JAK1: variants seen among roughly 807,000 people sequenced by gnomAD.
JAK1 encodes the protein Janus kinase 1.
In JAK1, 16 loss-of-function variants were observed where a neutral mutation model predicts 136.6. The observed-to-expected ratio is 0.12, with a 90% CI of 0.08 to 0.18. JAK1 has a LOEUF of 0.18. Among genes scored for constraint, JAK1 ranks in the 10% least tolerant of loss-of-function variants. The probability of loss-of-function intolerance (pLI) is 1.00; values close to 1 mark genes in which losing one functional copy is unlikely to be tolerated. For synonymous variants in JAK1, 492 were observed against 519.5 expected (o/e 0.95, Z 0.72); for missense variants, 859 against 1,450.1 (o/e 0.59, Z 6.62).
intron 7 of JAK1, 115 bp from the exon 8 acceptor site, chr1:64,865,087 A>T: frequency 5.2e-6 from 4 of 773,392 alleles, no homozygotes; most frequent in Non-Finnish European, 8.2e-6. Context: ...AGAGAAAGCC[A>T]GCTCTTCTGG....
chr1:65,048,038 A>G (rs1647204503), intron 1 of JAK1, among the ~76,000 whole-genome samples: 1 of 152,232 alleles, frequency 6.6e-6, no homozygotes, highest in South Asian at 2.1e-4. Context: ...CTTCTGAATT[A>G]TTAAATAGGT....
chr1:64,845,268 T>C (rs575496745), intron 15 of JAK1, among the ~76,000 whole-genome samples: 5 of 152,210 alleles, frequency 3.3e-5, no homozygotes, highest in African/African-American at 9.6e-5. Flanking sequence ...TGCTGCAGTA[T>C]GCAAGTCGGC....
At chr1:64,864,692 C>T in intron 8 of JAK1, 95 bp downstream of exon 8, 2 of 1,020,528 alleles carry the variant, frequency 2.0e-6, no homozygotes, top group Non-Finnish European at 2.9e-6. Flanking sequence ...CTCTTTAGGA[C>T]AGGAACTCTG....
At chr1:64,924,740 AC>A (rs1325529125) in intron 1 of JAK1, among the ~76,000 whole-genome samples, 34 of 152,186 alleles carry the variant, frequency 2.2e-4, no homozygotes, top group Non-Finnish European at 2.1e-4. Flanking sequence ...GGACTGTAGA[AC>A]TGCTGACATT....
chr1:64,931,865 T>G (rs900187253), intron 1 of JAK1, among the ~76,000 whole-genome samples: 2 of 152,052 alleles, frequency 1.3e-5, no homozygotes, highest in Non-Finnish European at 1.5e-5. Context: ...ATACAGCTAT[T>G]AATCCTATTA....
chr1:64,916,941 A>G (rs1459144654), intron 1 of JAK1, among the ~76,000 whole-genome samples: 3 of 152,152 alleles, frequency 2.0e-5, no homozygotes. Flanking sequence ...AGACAGTCAC[A>G]TGTCTGAATT....
intron 2 of JAK1, among the ~76,000 whole-genome samples, chr1:65,040,028 A>T (rs1285178994): frequency 6.6e-6 from 1 of 152,184 alleles, no homozygotes; most frequent in Non-Finnish European, 1.5e-5. Flanking sequence ...CAGCCTGGCC[A>T]ACATGGCAAA....
intron 1 of JAK1, among the ~76,000 whole-genome samples, chr1:64,924,075 A>G (rs548987321): frequency 2.4e-4 from 36 of 152,346 alleles, no homozygotes; most frequent in African/African-American, 7.5e-4. Flanking sequence ...TCTGAATGCA[A>G]TAACTATAAA....
At position 64,966,549 on chromosome 1, in the gene JAK1, C is replaced by T. The variant is rs1569775103; in HGVS notation, c.-294G>A. On this transcript the variant is annotated 5_prime_UTR_variant, in exon 1 of 25. Transcript: ENST00000342505. ...CCGCCGCGGCCTGCGCTCAGCGACGCACCGCCTCCCGTCCCGCCCCGCCCC... is the reference window on the plus strand; with the variant it reads ...CCGCCGCGGCCTGCGCTCAGCGACGTACCGCCTCCCGTCCCGCCCCGCCCC... The T allele has an allele frequency of 6.7e-6, 1 of 149,828 alleles. No individual in the cohort carries two copies. Among genetic ancestry groups the T allele is most frequent in the Non-Finnish European group, 1.5e-5 (1 of 67,186 alleles). 9.3% of individuals were successfully genotyped at this position (149,828 alleles called of 1,614,324 possible). A position where few individuals can be genotyped will look rare whatever the true frequency, so the allele number is the denominator to read the frequency against.
At chr1:64,978,760 G>A (rs368909288) in intron 2 of JAK1, among the ~76,000 whole-genome samples, 2 of 151,986 alleles carry the variant, frequency 1.3e-5, no homozygotes. Flanking sequence ...AACCTTATAA[G>A]CAGATGCTAT....
chr1:64,882,368 G>A (rs530990722), intron 3 of JAK1, among the ~76,000 whole-genome samples: 2 of 152,220 alleles, frequency 1.3e-5, no homozygotes, highest in Admixed American at 1.3e-4. Context: ...CAGGCTGTAC[G>A]GCATCATAAA....
Position 64,862,353 on chromosome 1 carries a change from G to A in JAK1, c.1177-2091C>T, listed in dbSNP as rs114844343. 2.3e-3 allele frequency among the ~76,000 whole-genome samples: 344 copies of A among 152,262 alleles called. 2 individuals carry two copies. Among genetic ancestry groups the A allele is most frequent in the African/African-American group, 7.9e-3 (330 of 41,548 alleles). On this transcript the variant is annotated intron_variant, in intron 8 of 24. Coordinates refer to ENST00000342505, the MANE Select transcript of JAK1 (RefSeq NM_002227.4). ...CTTGGACAGGTTACTTAACCTCTTC[G>A]TGCCTCAGTTTCCCCTTATCATACT...
At chr1:64,916,449 T>C (rs1454229356) in intron 1 of JAK1, among the ~76,000 whole-genome samples, 1 of 152,290 alleles carries the variant, frequency 6.6e-6, no homozygotes, top group African/African-American at 2.4e-5. Flanking sequence ...GCCTATATGA[T>C]TGTCAAAACA....
At chr1:64,972,886 A>C (rs2100674812) in intron 2 of JAK1, 1 of 152,522 alleles carries the variant, frequency 6.6e-6, no homozygotes. Context: ...TTGGAGGCTA[A>C]GGTGGGAGGA....
At chr1:65,044,155 C>A (rs575555474) in intron 2 of JAK1, among the ~76,000 whole-genome samples, 2 of 152,132 alleles carry the variant, frequency 1.3e-5, no homozygotes, top group Non-Finnish European at 2.9e-5. Context: ...CTGTGCCCAG[C>A]CCTATTTACG....
intron 2 of JAK1, among the ~76,000 whole-genome samples, chr1:65,037,740 T>C (rs746021827): frequency 6.6e-6 from 1 of 152,100 alleles, no homozygotes; most frequent in Non-Finnish European, 1.5e-5. Flanking sequence ...GGCATGTGCC[T>C]ATAGTCTTAG....
At chr1:65,052,501 A>G (rs1034466717) in intron 1 of JAK1, among the ~76,000 whole-genome samples, 1 of 152,000 alleles carries the variant, frequency 6.6e-6, no homozygotes, top group African/African-American at 2.4e-5. Context: ...AACACGGTGA[A>G]ACCCCGCCCC....
chr1:64,852,941 G>C (rs914306357), intron 11 of JAK1, among the ~76,000 whole-genome samples: 1 of 152,212 alleles, frequency 6.6e-6, no homozygotes, highest in African/African-American at 2.4e-5. Flanking sequence ...GAGATGGGTA[G>C]TGGAGCTGGA....
At position 64,857,734 on chromosome 1, in the gene JAK1, C is replaced by T. The variant is rs768351306; in HGVS notation, c.1380G>A (p.Glu460=). ...AGCTCCACCTCAGCACGTACATCCC[C>T]TCCTCGCTTCCTTCTTGCCGCAATT... ...INKLRQEGSE[E]GMYVLRWSCT... is the part of the protein sequence containing the mutation. Residue 460 remains glutamate (E), a synonymous_variant, in exon 10 of 25, where the codon GAG becomes GAA. Transcript: ENST00000342505. The T allele has an allele frequency of 3.7e-6, 6 of 1,614,098 alleles. No individual in the cohort carries two copies. The African/African-American group carries it at 6.7e-5, about 18-fold the overall frequency.
Sources: allele counts gnomAD v4.1 joint callset (sites outside exome capture counted in the v4.1 genomes callset), GRCh38; gene constraint gnomAD v4.1.1; transcripts MANE v1.5; gene names NCBI Gene and HGNC (gene_info 2026-07-23, HGNC 2026-07-21).